The following SEC11A variants were observed in gnomAD, a reference collection of about 807,000 sequenced individuals.
SEC11A encodes SEC11 homolog A, signal peptidase complex subunit.
A neutral mutation model predicts 25.6 loss-of-function variants in SEC11A; 14 were observed. The ratio of observed to expected loss-of-function variants is 0.55; its 90% CI spans 0.36 to 0.85. The LOEUF (loss-of-function observed/expected upper bound fraction) is 0.85, where lower values mean the gene tolerates loss of function less well. Ranked by LOEUF, SEC11A falls within the 40% of genes least tolerant of loss-of-function variation. The pLI is 0.01. For missense variants in SEC11A, 153 were observed against 222.9 expected, an observed-to-expected ratio of 0.69 and a Z score of 2.00; for synonymous variants, 83 against 76.4, an observed-to-expected ratio of 1.09 and a Z score of -0.45.
intron 4 of SEC11A, chr15:84,672,212 CGCCTCT>C (rs926786806): frequency 3.7e-5 from 6 of 160,982 alleles, no homozygotes; most frequent in Non-Finnish European, 5.5e-5. Flanking sequence ...TTTAAGAACT[CGCCTCT>C]GCCTCTGCCT....
intron 2 of SEC11A, 29 bp from the exon 3 acceptor site, chr15:84,687,803 AAAAG>A: frequency 1.3e-6 from 2 of 1,563,784 alleles, no homozygotes; most frequent in Non-Finnish European, 1.7e-6. Flanking sequence ...TATAACAGCA[AAAAG>A]AAAGTATGAG....
chr15:84,675,103 C>T (rs1319884927), intron 4 of SEC11A, among the ~76,000 whole-genome samples: 1 of 152,220 alleles, frequency 6.6e-6, no homozygotes, highest in African/African-American at 2.4e-5. Flanking sequence ...AAACCATTTG[C>T]ACTTTTTGCC....
At chr15:84,713,769 A>T (rs1039546177) in intron 1 of SEC11A, among the ~76,000 whole-genome samples, 2 of 152,168 alleles carry the variant, frequency 1.3e-5, no homozygotes, top group Non-Finnish European at 2.9e-5. Flanking sequence ...GCAGGTTTGC[A>T]AGTGCTGAGT....
intron 4 of SEC11A, chr15:84,671,337 AG>A (rs911202020): frequency 3.9e-5 from 6 of 152,244 alleles, no homozygotes; most frequent in Non-Finnish European, 7.3e-5. Flanking sequence ...GTAGCAAACC[AG>A]TCTCAACTCC....
At chr15:84,689,561 A>C (rs892600152) in intron 2 of SEC11A, among the ~76,000 whole-genome samples, 2 of 151,858 alleles carry the variant, frequency 1.3e-5, no homozygotes, top group African/African-American at 4.8e-5. Context: ...ATCTGGGCTT[A>C]CAAAATTAAG....
intron 5 of SEC11A, 94 bp from the exon 6 acceptor site, chr15:84,670,163 C>T (rs185280958): frequency 4.0e-5 from 44 of 1,104,244 alleles, no homozygotes; most frequent in South Asian, 2.3e-4. Flanking sequence ...GTGAATATAT[C>T]GCTAAACTAC....
At position 84,669,915 on chromosome 15, in the gene SEC11A, C is replaced by T; in HGVS notation, c.*104G>A. The stretch of plus-strand genomic sequence containing the variant: ...TGCAAACCAGTGCTACCCAGAAGCA[C>T]CAACACGTGTGTTCTCCATTCCACC... On this transcript the variant is annotated 3_prime_UTR_variant, in exon 6 of 6. Coordinates refer to ENST00000268220, the MANE Select transcript of SEC11A (RefSeq NM_014300.4). The T allele has an allele frequency of 5.7e-6, 9 of 1,587,794 alleles. No homozygotes were observed. Among genetic ancestry groups the T allele is most frequent in the Non-Finnish European group, 7.7e-6 (9 of 1,167,176 alleles).
At chr15:84,687,569 C>A (rs1052459876) in intron 3 of SEC11A, 56 bp downstream of exon 3, 10 of 1,437,590 alleles carry the variant, frequency 7.0e-6, no homozygotes, top group Non-Finnish European at 8.3e-6. Context: ...AAACTAAATA[C>A]CACAAACACT....
chr15:84,694,860 G>C (rs2141901237), intron 1 of SEC11A, among the ~76,000 whole-genome samples: 1 of 152,058 alleles, frequency 6.6e-6, no homozygotes, highest in East Asian at 1.9e-4. Context: ...GAGAGGCCGA[G>C]GCAGGCGGAT....
At chr15:84,670,822 T>G (rs1229249667) in intron 4 of SEC11A, 40 bp from the exon 5 acceptor site, 1 of 990,192 alleles carries the variant, frequency 1.0e-6, no homozygotes, top group Non-Finnish European at 1.5e-6. Context: ...GAATTTCCGA[T>G]GTAAAGCAGC....
intron 1 of SEC11A, among the ~76,000 whole-genome samples, chr15:84,704,286 G>C (rs1287695403): frequency 6.6e-6 from 1 of 152,072 alleles, no homozygotes; most frequent in African/African-American, 2.4e-5. Context: ...TTCTGACAGG[G>C]GGACTTACTT....
chr15:84,707,769 C>T (rs971404891), intron 1 of SEC11A, among the ~76,000 whole-genome samples: 3 of 151,944 alleles, frequency 2.0e-5, no homozygotes, highest in Non-Finnish European at 2.9e-5. Context: ...CTTGTCTTTA[C>T]GTCATTTGTG....
intron 1 of SEC11A, among the ~76,000 whole-genome samples, chr15:84,699,316 CAAA>C (rs35351608): frequency 5.6e-5 from 5 of 89,070 alleles, no homozygotes; most frequent in Non-Finnish European, 6.6e-5. Context: ...CTCTTGTCTC[CAAA>C]AAAAAAAAAA....
intron 1 of SEC11A, among the ~76,000 whole-genome samples, chr15:84,698,079 T>TGGG (rs1447737345): frequency 6.6e-6 from 1 of 152,072 alleles, no homozygotes; most frequent in Non-Finnish European, 1.5e-5. Flanking sequence ...CACAAGACAA[T>TGGG]TTATAATCCA....
intron 2 of SEC11A, among the ~76,000 whole-genome samples, chr15:84,690,308 C>G (rs1483488913): frequency 6.6e-6 from 1 of 152,162 alleles, no homozygotes; most frequent in Non-Finnish European, 1.5e-5. Flanking sequence ...CATGTGAGAC[C>G]TGCCTTTCAC....
chr15:84,700,944 C>A (rs1897918165), intron 1 of SEC11A, among the ~76,000 whole-genome samples: 1 of 128,294 alleles, frequency 7.8e-6, no homozygotes, highest in Non-Finnish European at 1.5e-5. Context: ...CACGCCATTG[C>A]ATGTACTCCT....
chr15:84,707,859 T>C (rs1369706514), intron 1 of SEC11A, among the ~76,000 whole-genome samples: 1 of 152,218 alleles, frequency 6.6e-6, no homozygotes, highest in African/African-American at 2.4e-5. Context: ...ACTATGGTAC[T>C]ATATTCTGGA....
chr15:84,697,656 C>T (rs549706680), intron 1 of SEC11A, among the ~76,000 whole-genome samples: 2 of 152,260 alleles, frequency 1.3e-5, no homozygotes, highest in African/African-American at 4.8e-5. Flanking sequence ...ACAGTCTTTA[C>T]TCAAACGTCA....
At chr15:84,676,442 ACT>A (rs891987794) in intron 4 of SEC11A, among the ~76,000 whole-genome samples, 4 of 149,074 alleles carry the variant, frequency 2.7e-5, no homozygotes, top group African/African-American at 9.9e-5. Flanking sequence ...CAAGAGTGAA[ACT>A]CTGTCTCAAA....
Sources: gnomAD v4.1 joint callset for allele counts (sites outside exome capture counted in the v4.1 genomes callset) on GRCh38, gnomAD v4.1.1 for gene constraint, MANE v1.5 for transcripts, NCBI Gene and HGNC (gene_info 2026-07-23, HGNC 2026-07-21) for gene names.